Variants in EPB41L4A observed in about 807,000 individuals in gnomAD.
The protein encoded by EPB41L4A is erythrocyte membrane protein band 4.1 like 4A.
Under a neutral mutation model 108.6 loss-of-function variants are expected in EPB41L4A, and 100 were observed. The observed-to-expected ratio is 0.92, with a 90% CI of 0.78 to 1.09. The LOEUF (loss-of-function observed/expected upper bound fraction) is 1.09. Ranked by LOEUF, EPB41L4A falls within the 50% of genes least tolerant of loss-of-function variation. The pLI is 0.00. For missense variants in EPB41L4A, 1,030 were observed against 842.7 expected (o/e 1.22, Z -2.75); for synonymous variants, 319 against 289.0 (o/e 1.10, Z -1.05).
At chr5:112,396,112 A>AG (rs1395413402) in intron 1 of EPB41L4A, among the ~76,000 whole-genome samples, 1 of 152,088 alleles carries the variant, frequency 6.6e-6, no homozygotes, top group Non-Finnish European at 1.5e-5. Context: ...GGTTGGGGGA[A>AG]GGGGGAGGGA....
intron 12 of EPB41L4A, among the ~76,000 whole-genome samples, chr5:112,216,630 G>A (rs1417500632): frequency 6.6e-6 from 1 of 151,972 alleles, no homozygotes. Context: ...TGTATAAAAT[G>A]CTTAAGACAA....
At chr5:112,228,737 G>GC (rs1345360535) in intron 12 of EPB41L4A, 24 of 985,258 alleles carry the variant, frequency 2.4e-5, no homozygotes, top group Non-Finnish European at 2.9e-5. Flanking sequence ...TCAGAGAGAG[G>GC]GTTGTAACAG....
intron 1 of EPB41L4A, among the ~76,000 whole-genome samples, chr5:112,360,917 C>T (rs997565296): frequency 1.4e-4 from 21 of 151,792 alleles, no homozygotes; most frequent in Non-Finnish European, 2.9e-5. Context: ...GTGTCTCTGC[C>T]CCGCCGCCAC....
At chr5:112,393,905 C>T (rs567243722) in intron 1 of EPB41L4A, among the ~76,000 whole-genome samples, 5 of 152,142 alleles carry the variant, frequency 3.3e-5, no homozygotes, top group African/African-American at 4.8e-5. Flanking sequence ...ATCAAGTTGG[C>T]TTCATTCCTG....
At chr5:112,393,499 A>G (rs1259664086) in intron 1 of EPB41L4A, among the ~76,000 whole-genome samples, 4 of 152,288 alleles carry the variant, frequency 2.6e-5, no homozygotes, top group African/African-American at 7.2e-5. Flanking sequence ...AGAAGAAATG[A>G]ATAAATCCCT....
intron 4 of EPB41L4A, among the ~76,000 whole-genome samples, chr5:112,268,857 A>AAG (rs1334676033): frequency 6.6e-6 from 1 of 151,222 alleles, no homozygotes; most frequent in African/African-American, 2.4e-5. Flanking sequence ...AAAAAAAAAA[A>AAG]AAAAAAAAAG....
chr5:112,390,155 T>A (rs568432540), intron 1 of EPB41L4A, among the ~76,000 whole-genome samples: 8 of 152,322 alleles, frequency 5.3e-5, no homozygotes, highest in Non-Finnish European at 1.0e-4. Context: ...GACTTCTGCA[T>A]TTCCAACTGA....
intron 1 of EPB41L4A, among the ~76,000 whole-genome samples, chr5:112,394,255 G>T (rs1349094318): frequency 6.6e-6 from 1 of 152,202 alleles, no homozygotes; most frequent in Non-Finnish European, 1.5e-5. Flanking sequence ...TCAGGCAGGA[G>T]AGAGAAATAA....
intron 1 of EPB41L4A, among the ~76,000 whole-genome samples, chr5:112,363,041 A>G (rs903058645): frequency 1.3e-5 from 2 of 152,108 alleles, no homozygotes; most frequent in Admixed American, 1.3e-4. Flanking sequence ...ACTTCTTACA[A>G]TGCAATTGGC....
intron 1 of EPB41L4A, among the ~76,000 whole-genome samples, chr5:112,341,210 G>A (rs1036355654): frequency 2.0e-5 from 3 of 152,180 alleles, no homozygotes; most frequent in African/African-American, 7.2e-5. Flanking sequence ...CCTGAGCCTG[G>A]TATGCAGGAC....
intron 1 of EPB41L4A, among the ~76,000 whole-genome samples, chr5:112,325,446 A>G (rs932675649): frequency 2.0e-5 from 3 of 151,430 alleles, no homozygotes; most frequent in South Asian, 2.1e-4. Context: ...GTCTCATAAA[A>G]AAAAAAAAAA....
Position 112,283,603 on chromosome 5 carries a change from C to G in EPB41L4A, c.205-3280G>C, listed in dbSNP as rs4957641. ...TAAGGAATACATCCAGAATACTGGT[C>G]ATGGAGTGCCAATATTCTAGAGGTA... is the stretch of plus-strand genomic sequence containing the variant. On this transcript the variant is annotated intron_variant, in intron 2 of 22. Coordinates refer to ENST00000261486, the MANE Select transcript of EPB41L4A (RefSeq NM_022140.5). Among the ~76,000 whole-genome samples the G allele has an allele frequency of 0.034, 5,191 of 152,286 alleles. 487 individuals carry two copies. In the East Asian group the frequency reaches 0.35, roughly 10 times the overall value.
In EPB41L4A at chr5:112,148,147, T is replaced by A. The variant is rs952431283; in HGVS notation, n.995-2149A>T. Reference sequence around the variant, plus strand: ...ATAATATAATAGTATTACTATATAATATAATAATATAATAGTATTACTATA... The same window carrying A: ...ATAATATAATAGTATTACTATATAAAATAATAATATAATAGTATTACTATA... On this transcript the variant is annotated intron_variant and non_coding_transcript_variant, in intron 12 of 13. Transcript: ENST00000507810. Among the ~76,000 whole-genome samples the A allele has an allele frequency of 2.0e-5, 3 of 148,210 alleles. No homozygotes were observed. The South Asian group carries it at 6.2e-4, about 31-fold the overall frequency.
chr5:112,277,315 C>G (rs577008789), intron 3 of EPB41L4A, among the ~76,000 whole-genome samples: 1 of 152,268 alleles, frequency 6.6e-6, no homozygotes, highest in Non-Finnish European at 1.5e-5. Flanking sequence ...ACCAAGCCCA[C>G]GCATTTCAAA....
chr5:112,145,054 C>T (rs539879995), intron 13 of EPB41L4A, among the ~76,000 whole-genome samples: 1 of 152,298 alleles, frequency 6.6e-6, no homozygotes, highest in East Asian at 1.9e-4. Flanking sequence ...CTTTGGGAGG[C>T]CGAGGTGGGC....
chr5:112,324,114 A>G (rs1470795647), intron 1 of EPB41L4A, among the ~76,000 whole-genome samples: 2 of 152,240 alleles, frequency 1.3e-5, no homozygotes. Flanking sequence ...AAAGTGGCAC[A>G]GTGTATCTAA....
chr5:112,203,195 A>C (rs967634805), intron 15 of EPB41L4A, among the ~76,000 whole-genome samples: 6 of 152,024 alleles, frequency 3.9e-5, no homozygotes, highest in African/African-American at 1.5e-4. Context: ...ATCCCTACTA[A>C]AAATAAAAAA....
chr5:112,319,817 G>C (rs780346460), intron 1 of EPB41L4A, among the ~76,000 whole-genome samples: 1 of 152,182 alleles, frequency 6.6e-6, no homozygotes, highest in Non-Finnish European at 1.5e-5. Context: ...TTAGATGAGT[G>C]TGCTTTGCCT....
intron 1 of EPB41L4A, among the ~76,000 whole-genome samples, chr5:112,317,354 G>C (rs1223313149): frequency 6.6e-6 from 1 of 152,166 alleles, no homozygotes; most frequent in African/African-American, 2.4e-5. Flanking sequence ...ATGCAAACTT[G>C]TCATTTTTTA....
Sources: allele counts gnomAD v4.1 joint callset (sites outside exome capture counted in the v4.1 genomes callset), GRCh38; gene constraint gnomAD v4.1.1; transcripts MANE v1.5; gene names NCBI Gene and HGNC (gene_info 2026-07-23, HGNC 2026-07-21).